The following CSNK1A1 variants were observed in gnomAD, a reference collection of about 807,000 sequenced individuals.
CSNK1A1 encodes the protein casein kinase I isoform alpha.
Under a neutral mutation model 46.1 loss-of-function variants are expected in CSNK1A1, and 7 were observed. The observed-to-expected ratio is 0.15, with a 90% CI of 0.09 to 0.29. The LOEUF (loss-of-function observed/expected upper bound fraction) is 0.29. Ranked by LOEUF, CSNK1A1 falls within the 10% of genes least tolerant of loss-of-function variation. CSNK1A1 has a pLI of 1.00. For synonymous variants in CSNK1A1, 137 were observed against 141.5 expected, an observed-to-expected ratio of 0.97 and a Z score of 0.23; for missense variants, 96 against 417.1, an observed-to-expected ratio of 0.23 and a Z score of 6.71.
Position 149,551,099 on chromosome 5 carries a change from G to T in CSNK1A1, c.-135C>A. 1.1e-6 allele frequency: 1 copy of T among 929,156 alleles called. No homozygotes were observed. The highest frequency in any genetic ancestry group is 1.6e-5 in the South Asian group (1 of 63,912). 57.6% of individuals were successfully genotyped at this position (929,156 alleles called of 1,614,324 possible). On this transcript the variant is annotated 5_prime_UTR_variant, in exon 1 of 10. Transcript: ENST00000377843. ...ACGGAACACGGAGGCCTTTACCGGG[G>T]TTCGGGGCCCAGAATCAGCAGAGGG...
Position 149,511,811 on chromosome 5 carries a change from G to A in CSNK1A1, c.658C>T (p.Pro220Ser). Residue 220 changes from proline to serine, a missense_variant, in exon 6 of 10, where the codon CCA (proline) becomes TCA (serine). Transcript: ENST00000377843. ...VLMYFNRTSLPWQGLKAATKK... is the reference protein window; with the variant it reads ...VLMYFNRTSLSWQGLKAATKK... ...TGGTTTACCTTTAGCCCTTGCCATG[G>A]CAGGCTGGTTCTATTAAAATACATC... 1 of 1,607,250 alleles carries A rather than the reference G, an allele frequency of 6.2e-7. No homozygotes were observed. Among genetic ancestry groups the A allele is most frequent in the South Asian group, 1.1e-5 (1 of 89,458 alleles).
In CSNK1A1 at chr5:149,542,669, TA is replaced by T. The variant is rs1706612544; in HGVS notation, c.230+7405del. Among the ~76,000 whole-genome samples, 2 of 16,270 alleles carry T rather than the reference TA, an allele frequency of 1.2e-4. 1 individual carries two copies. The highest frequency in any genetic ancestry group is 2.0e-4 in the Non-Finnish European group (2 of 10,138). The allele number at this position is 16,270 out of a possible 152,430, so 10.7% of individuals were successfully genotyped here. ...ATATATATATATATATATATATATA[TA>T]TGTATATATATATATATATATATTT... On this transcript the variant is annotated intron_variant, in intron 2 of 9. Coordinates refer to ENST00000377843, the MANE Select transcript of CSNK1A1 (RefSeq NM_001892.6).
chr5:149,504,707 A>C (rs939026126), intron 9 of CSNK1A1: 3 of 985,338 alleles, frequency 3.0e-6, no homozygotes, highest in Non-Finnish European at 2.4e-6. Flanking sequence ...CTGGCTGCAG[A>C]CTTCAATTCC....
At chr5:149,527,146 GAC>G (rs1761748660) in intron 2 of CSNK1A1, among the ~76,000 whole-genome samples, 1 of 148,426 alleles carries the variant, frequency 6.7e-6, no homozygotes, top group African/African-American at 2.5e-5. Flanking sequence ...TTTTTTTTGA[GAC>G]ACAGTCTCTT....
At position 149,496,369 on chromosome 5, in the gene CSNK1A1, T is replaced by G. The variant is rs974605872; in HGVS notation, c.*484A>C. ...GAAGCCAACCATTTTAAGAATGTTTTAAGTGAACAACTTGCAAACCCCAGG... is the reference window on the plus strand; with the variant it reads ...GAAGCCAACCATTTTAAGAATGTTTGAAGTGAACAACTTGCAAACCCCAGG... On this transcript the variant is annotated 3_prime_UTR_variant, in exon 10 of 10. Transcript: ENST00000377843. 1 of 153,796 alleles carries G rather than the reference T, an allele frequency of 6.5e-6. No individual in the cohort carries two copies. The highest frequency in any genetic ancestry group is 2.4e-5 in the African/African-American group (1 of 41,476). 9.5% of individuals were successfully genotyped at this position (153,796 alleles called of 1,614,324 possible).
chr5:149,502,073 A>C (rs1221379088), intron 9 of CSNK1A1: 2 of 984,136 alleles, frequency 2.0e-6, no homozygotes, highest in Non-Finnish European at 2.4e-6. Flanking sequence ...TCTGCCTATT[A>C]TTTAATAGGC....
chr5:149,542,638 A>ACATGTATG (rs1316742083), intron 2 of CSNK1A1, among the ~76,000 whole-genome samples: 3 of 12,886 alleles, frequency 2.3e-4, no homozygotes, highest in African/African-American at 1.5e-3. Flanking sequence ...ATATATATAT[A>ACATGTATG]TGTATATATA....
At chr5:149,497,702 C>A in intron 9 of CSNK1A1, 1 of 985,544 alleles carries the variant, frequency 1.0e-6, no homozygotes, top group South Asian at 4.7e-5. Flanking sequence ...CTCTGAGGCA[C>A]CAATGCTCCT....
intron 2 of CSNK1A1, among the ~76,000 whole-genome samples, chr5:149,539,877 C>G (rs1256815831): frequency 6.6e-6 from 1 of 152,098 alleles, no homozygotes; most frequent in African/African-American, 2.4e-5. Context: ...ATAAGAAACA[C>G]CAACTTACAA....
chr5:149,514,240 T>A (rs1761329070), intron 4 of CSNK1A1, among the ~76,000 whole-genome samples: 2 of 152,216 alleles, frequency 1.3e-5, no homozygotes, highest in South Asian at 4.1e-4. Context: ...CATGTCTATA[T>A]GGTACTCAGG....
chr5:149,504,110 A>T, intron 9 of CSNK1A1: 1 of 985,464 alleles, frequency 1.0e-6, no homozygotes, highest in Non-Finnish European at 1.2e-6. Context: ...AAAAGGAGCA[A>T]CTATCCCAAC....
At chr5:149,507,195 C>T in intron 7 of CSNK1A1, 62 bp from the exon 8 acceptor site, 4 of 1,271,564 alleles carry the variant, frequency 3.1e-6, no homozygotes, top group Non-Finnish European at 4.4e-6. Flanking sequence ...AAAATAAATG[C>T]ATTTAAGTAT....
At position 149,551,313 on chromosome 5, in the gene CSNK1A1, G is replaced by A. The variant is rs2279019; in HGVS notation, c.-349C>T. On this transcript the variant is annotated 5_prime_UTR_variant, in exon 1 of 10. Coordinates refer to ENST00000377843, the MANE Select transcript of CSNK1A1 (RefSeq NM_001892.6). ...CGGCGATACCGCTGCCACCACTGCCGCCGGCTCCGGCCCAGAGGGACCCCT... is the reference window on the plus strand; with the variant it reads ...CGGCGATACCGCTGCCACCACTGCCACCGGCTCCGGCCCAGAGGGACCCCT... 9,855 of 244,432 alleles carry A rather than the reference G, an allele frequency of 0.04. 585 individuals are homozygous for A. The highest frequency in any genetic ancestry group is 0.17 in the East Asian group (1,344 of 7,772). The allele number at this position is 244,432 out of a possible 1,614,324, so 15.1% of individuals were successfully genotyped here. A position where few individuals can be genotyped will look rare whatever the true frequency, so the allele number is the denominator to read the frequency against.
At chr5:149,497,524 T>C (rs957878995) in intron 9 of CSNK1A1, 10 of 985,438 alleles carry the variant, frequency 1.0e-5, no homozygotes, top group Non-Finnish European at 1.2e-5. Flanking sequence ...CCACCACAAG[T>C]AGACCCTAGG....
intron 2 of CSNK1A1, chr5:149,549,571 A>AT (rs1467691765): frequency 2.2e-5 from 15 of 692,930 alleles, no homozygotes; most frequent in Non-Finnish European, 3.2e-5. Context: ...AAGGGCAGGA[A>AT]TATGGGGTTG....
Position 149,496,746 on chromosome 5 carries a change from T to C in CSNK1A1, c.*107A>G. On this transcript the variant is annotated 3_prime_UTR_variant, in exon 10 of 10. Transcript: ENST00000377843. ...GTTCTTTACACCAAGTAAATGGTTG[T>C]CCACAACCACTGGCTAGTGTACATA... is the stretch of plus-strand genomic sequence containing the variant. 6.9e-7 allele frequency: 1 copy of C among 1,459,040 alleles called. No individual in the cohort carries two copies. The highest frequency in any genetic ancestry group is 9.1e-7 in the Non-Finnish European group (1 of 1,093,086). 90.4% of individuals were successfully genotyped at this position (1,459,040 alleles called of 1,614,324 possible).
At chr5:149,522,299 G>T (rs75394372) in intron 3 of CSNK1A1, among the ~76,000 whole-genome samples, 1 of 151,828 alleles carries the variant, frequency 6.6e-6, no homozygotes, top group African/African-American at 2.4e-5. Context: ...TTGTGGAAAG[G>T]GGGGTATCGT....
intron 2 of CSNK1A1, among the ~76,000 whole-genome samples, chr5:149,536,894 T>C (rs1459973630): frequency 6.6e-6 from 1 of 152,236 alleles, no homozygotes; most frequent in East Asian, 1.9e-4. Flanking sequence ...ACATAGGTTC[T>C]AGTCCTGGCT....
At position 149,517,736 on chromosome 5, in the gene CSNK1A1, TAAAA is replaced by T. The variant is rs1206258164; in HGVS notation, c.456+2550_456+2553del. ...AACAAAAATCATCAAAATAAAACAATAAAAAAGAAAAGCACATGAATTTGGGATT... is the reference window on the plus strand; with the variant it reads ...AACAAAAATCATCAAAATAAAACAATAAGAAAAGCACATGAATTTGGGATT... On this transcript the variant is annotated intron_variant, in intron 4 of 9. Coordinates refer to ENST00000377843, the MANE Select transcript of CSNK1A1 (RefSeq NM_001892.6). This position sits in a 1 kb window ranked among gnomAD's most constrained non-coding sequence, Gnocchi z 4.4. The T allele has an allele frequency of 2.7e-6, 3 of 1,109,452 alleles. No individual in the cohort carries two copies. In the African/African-American group the frequency reaches 4.7e-5, roughly 17 times the overall value. The allele number at this position is 1,109,452 out of a possible 1,614,324, so 68.7% of individuals were successfully genotyped here.
Sources: allele counts gnomAD v4.1 joint callset (sites outside exome capture counted in the v4.1 genomes callset), GRCh38; gene constraint gnomAD v4.1.1; non-coding constraint Gnocchi (gnomAD v3.1); transcripts MANE v1.5; gene names NCBI Gene and HGNC (gene_info 2026-07-23, HGNC 2026-07-21).